HIPK2: variants seen among roughly 807,000 people sequenced by gnomAD.
HIPK2 encodes homeodomain interacting protein kinase 2.
Under a neutral mutation model 113.7 loss-of-function variants are expected in HIPK2, and 27 were observed. The observed-to-expected ratio is 0.24, with a 90% CI of 0.17 to 0.33. The LOEUF (loss-of-function observed/expected upper bound fraction) is 0.33, where lower values mean the gene tolerates loss of function less well. Ranked by LOEUF, HIPK2 falls within the 10% of genes least tolerant of loss-of-function variation. The pLI, the probability that HIPK2 is intolerant of heterozygous loss-of-function variation, is 1.00. For synonymous variants in HIPK2, 631 were observed against 642.2 expected (o/e 0.98, Z 0.26); for missense variants, 1,257 against 1,588.0 (o/e 0.79, Z 3.54).
intron 10 of HIPK2, among the ~76,000 whole-genome samples, chr7:139,601,671 AT>A (rs1267317681): frequency 3.3e-5 from 5 of 152,242 alleles, no homozygotes; most frequent in African/African-American, 1.2e-4. Context: ...CACAATTCTT[AT>A]AATTTGGGTT....
chr7:139,672,203 C>T (rs138534864), intron 2 of HIPK2, among the ~76,000 whole-genome samples: 106 of 152,224 alleles, frequency 7.0e-4, no homozygotes, highest in African/African-American at 2.2e-3. Context: ...CCTGCCCTCA[C>T]GGAATTTACA....
intron 2 of HIPK2, among the ~76,000 whole-genome samples, chr7:139,681,538 C>T (rs964166944): frequency 2.0e-5 from 3 of 152,138 alleles, no homozygotes; most frequent in South Asian, 2.1e-4. Context: ...CGCCTCCTCC[C>T]GCTCAGTGTG....
Position 139,586,129 on chromosome 7 carries a change from A to G in HIPK2, c.2718-2065T>C, listed in dbSNP as rs1798825415. Among the ~76,000 whole-genome samples the G allele has an allele frequency of 2.0e-5, 3 of 152,240 alleles. No homozygotes were observed. In the South Asian group the frequency reaches 6.2e-4, roughly 31 times the overall value. ...AGATGATAATTGTTAAGAACTCAGA[A>G]GAAGGTGAGGAATGAATTGGTTGCA... On this transcript the variant is annotated intron_variant, in intron 12 of 14. Transcript: ENST00000406875.
At chr7:139,681,505 C>T (rs929366221) in intron 2 of HIPK2, among the ~76,000 whole-genome samples, 1 of 152,194 alleles carries the variant, frequency 6.6e-6, no homozygotes, top group Non-Finnish European at 1.5e-5. Context: ...TTTCTATAAT[C>T]AGCGCCAGTG....
intron 1 of HIPK2, among the ~76,000 whole-genome samples, chr7:139,729,132 TG>T (rs1435232470): frequency 1.3e-5 from 2 of 152,114 alleles, no homozygotes; most frequent in Admixed American, 1.3e-4. Flanking sequence ...AAGACCAACC[TG>T]GGCAACATGG....
chr7:139,677,888 CCTGA>C (rs1438027292), intron 2 of HIPK2, among the ~76,000 whole-genome samples: 9 of 152,224 alleles, frequency 5.9e-5, no homozygotes, highest in Non-Finnish European at 1.2e-4. Flanking sequence ...TCTGTTGTTT[CCTGA>C]CTTTTTAATG....
chr7:139,634,289 C>T (rs2116912713), intron 2 of HIPK2, among the ~76,000 whole-genome samples: 1 of 152,110 alleles, frequency 6.6e-6, no homozygotes, highest in Middle Eastern at 3.4e-3. Context: ...GTCCCCATCG[C>T]CTGCTGCTGG....
intron 2 of HIPK2, among the ~76,000 whole-genome samples, chr7:139,639,525 G>A (rs572537664): frequency 1.3e-5 from 2 of 152,258 alleles, no homozygotes; most frequent in South Asian, 2.1e-4. Flanking sequence ...GCAGCATAGC[G>A]ACATCTGACA....
At position 139,563,812 on chromosome 7, in the gene HIPK2, C is replaced by G. The variant is rs1388529454; in HGVS notation, c.*9115G>C. 3 of 398,432 alleles carry G rather than the reference C, an allele frequency of 7.5e-6. No homozygotes were observed. Among genetic ancestry groups the G allele is most frequent in the Non-Finnish European group, 1.3e-5 (3 of 226,066 alleles). 24.7% of individuals were successfully genotyped at this position (398,432 alleles called of 1,614,324 possible). On this transcript the variant is annotated 3_prime_UTR_variant, in exon 15 of 15. Coordinates refer to ENST00000406875, the MANE Select transcript of HIPK2 (RefSeq NM_022740.5). ...TTGTATTTTTTAAAAGCTCCCTGGT[C>G]CCAGGTGTTTTGCAGTTTTCAAGGT...
intron 1 of HIPK2, among the ~76,000 whole-genome samples, chr7:139,738,226 AT>A (rs1241562785): frequency 6.6e-6 from 1 of 152,268 alleles, no homozygotes; most frequent in African/African-American, 2.4e-5. Flanking sequence ...TCAGATAAAA[AT>A]ATTGTATCAG....
chr7:139,734,734 C>T (rs982472474), intron 1 of HIPK2, among the ~76,000 whole-genome samples: 5 of 152,198 alleles, frequency 3.3e-5, no homozygotes, highest in Non-Finnish European at 1.5e-5. Flanking sequence ...CAGGGGACCA[C>T]TGATTCATTA....
chr7:139,575,282 G>A lies in HIPK2; in HGVS notation c.2972C>T (p.Thr991Ile), dbSNP rs556051311. The A allele has an allele frequency of 3.3e-5, 52 of 1,568,688 alleles. No homozygotes were observed. The South Asian group carries it at 5.4e-4, about 16-fold the overall frequency. The change falls in exon 14 of 15, where the codon ACC becomes ATC. Residue 991 changes from threonine to isoleucine, a missense_variant. This residue lies in a region of HIPK2 where 862 missense variants were observed against 1,004.3 expected (regional missense o/e 0.86). Coordinates refer to ENST00000406875, the MANE Select transcript of HIPK2 (RefSeq NM_022740.5). ...VECDSLVPVN[T>I]SHHSSSYKSK... ...CTTGTAGGAGGACGAGTGGTGACTG[G>A]TGTTGACTGTGGCGGGAGGAGAAAG...
At chr7:139,604,403 C>T (rs1799544988) in intron 9 of HIPK2, 180 bp from the exon 10 acceptor site, 6 of 366,462 alleles carry the variant, frequency 1.6e-5, no homozygotes, top group South Asian at 1.1e-4. Context: ...ACATACAGGC[C>T]GGGTGCAGTG....
chr7:139,584,636 C>G (rs964261697), intron 12 of HIPK2, among the ~76,000 whole-genome samples: 1 of 152,242 alleles, frequency 6.6e-6, no homozygotes, highest in African/African-American at 2.4e-5. Flanking sequence ...TGCAGACATG[C>G]TGCAGAGAAC....
intron 1 of HIPK2, among the ~76,000 whole-genome samples, chr7:139,728,095 A>G (rs1453414763): frequency 2.0e-5 from 3 of 151,676 alleles, no homozygotes. Flanking sequence ...GTGCGCCATC[A>G]TGCCTGCCTA....
At chr7:139,706,379 T>A (rs142509735) in intron 2 of HIPK2, among the ~76,000 whole-genome samples, 364 of 152,248 alleles carry the variant, frequency 2.4e-3, no homozygotes, top group African/African-American at 8.2e-3. Flanking sequence ...AGTTCCTGCA[T>A]GAAAGATGAC....
At chr7:139,697,880 T>A (rs1037555993) in intron 2 of HIPK2, among the ~76,000 whole-genome samples, 2 of 151,032 alleles carry the variant, frequency 1.3e-5, no homozygotes, top group Admixed American at 6.6e-5. Context: ...TTTTTTTTTT[T>A]TTTTTTTGAG....
chr7:139,683,077 G>T lies in HIPK2; in HGVS notation c.1103+32855C>A, dbSNP rs1477071353. On this transcript the variant is annotated intron_variant, in intron 2 of 14. Coordinates refer to ENST00000406875, the MANE Select transcript of HIPK2 (RefSeq NM_022740.5). The surrounding 1 kb of genome is among the most constrained non-coding windows in gnomAD (Gnocchi z 4.2). ...TATAAGGCATTTTTACCACCAACAC[G>T]CCACTCAGTAAGGTCACTCCTGGGT... is the stretch of plus-strand genomic sequence containing the variant. Among the ~76,000 whole-genome samples the T allele has an allele frequency of 1.3e-5, 2 of 152,098 alleles. No individual in the cohort carries two copies. Among genetic ancestry groups the T allele is most frequent in the Non-Finnish European group, 2.9e-5 (2 of 68,020 alleles).
intron 1 of HIPK2, among the ~76,000 whole-genome samples, chr7:139,746,895 G>T (rs879552139): frequency 1.3e-5 from 2 of 152,078 alleles, no homozygotes; most frequent in Non-Finnish European, 2.9e-5. Flanking sequence ...CACACCCCTC[G>T]CTTGTCTCGG....
Sources: gnomAD v4.1 joint callset for allele counts (sites outside exome capture counted in the v4.1 genomes callset) on GRCh38, gnomAD v4.1.1 for gene constraint, gnomAD v4.1.1 regional missense constraint, Gnocchi (gnomAD v3.1) non-coding constraint, MANE v1.5 for transcripts, NCBI Gene and HGNC (gene_info 2026-07-23, HGNC 2026-07-21) for gene names.